Variants in OSBPL10 observed in about 807,000 individuals in gnomAD.
OSBPL10 encodes the protein oxysterol-binding protein-related protein 10.
OSBPL10 carries 49 observed loss-of-function variants against 81.7 expected under a neutral mutation model. The observed-to-expected ratio is 0.60, with a 90% CI of 0.48 to 0.76. The LOEUF (loss-of-function observed/expected upper bound fraction) is 0.76. Ranked by LOEUF, OSBPL10 falls within the 30% of genes least tolerant of loss-of-function variation. The pLI is 0.00. For synonymous variants in OSBPL10, 419 were observed against 383.6 expected, an observed-to-expected ratio of 1.09 and a Z score of -1.08; for missense variants, 923 against 987.8, an observed-to-expected ratio of 0.93 and a Z score of 0.88.
At chr3:31,905,466 C>T (rs1312413362) in intron 1 of OSBPL10, among the ~76,000 whole-genome samples, 1 of 151,146 alleles carries the variant, frequency 6.6e-6, no homozygotes, top group Non-Finnish European at 1.5e-5. Context: ...TCGTATGCCT[C>T]AGCCTCCTGA....
At chr3:31,837,330 T>C (rs1700380280) in intron 3 of OSBPL10, among the ~76,000 whole-genome samples, 1 of 8,596 alleles carries the variant, frequency 1.2e-4, no homozygotes, top group African/African-American at 6.1e-4. Context: ...ATTATATATA[T>C]ATATATATAT....
At chr3:31,707,510 G>A (rs187670562) in intron 6 of OSBPL10, 20 of 152,272 alleles carry the variant, frequency 1.3e-4, no homozygotes, top group Admixed American at 9.8e-4. Flanking sequence ...ACTTGGCAAG[G>A]AGGCACTGGG....
rs570063246 is a variant in OSBPL10, at chr3:32,059,784, T to A, written n.186-13181A>T. 3.1e-3 allele frequency among the ~76,000 whole-genome samples: 462 copies of A among 150,596 alleles called. 1 individual carries two copies. The highest frequency in any genetic ancestry group is 0.011 in the African/African-American group (439 of 40,938). ...AAAATTAGCCAGGCATGGTGGCACA[T>A]GCCTGTAGTCCCAGCTACTTGGGAG... On this transcript the variant is annotated intron_variant and non_coding_transcript_variant, in intron 1 of 3. Coordinates refer to the OSBPL10 transcript ENST00000479173.
At chr3:31,921,969 A>G (rs1042764755) in intron 1 of OSBPL10, among the ~76,000 whole-genome samples, 1 of 152,232 alleles carries the variant, frequency 6.6e-6, no homozygotes, top group Non-Finnish European at 1.5e-5. Flanking sequence ...AGAGAAAAAC[A>G]TCAGACAAAT....
At chr3:32,002,292 C>A (rs1699156842) in intron 2 of OSBPL10, among the ~76,000 whole-genome samples, 1 of 152,102 alleles carries the variant, frequency 6.6e-6, no homozygotes, top group South Asian at 2.1e-4. Flanking sequence ...AAAAAGCCTA[C>A]AAAGTTGTGT....
rs772535278 is a variant in OSBPL10, at chr3:31,830,052, G to A, written c.717C>T (p.His239=). ...RAKSQYSGQL[H]EVREMMNQVE... is the part of the protein sequence containing the mutation. Reference sequence around the variant, plus strand: ...GAGCAAAGCCTACCTCTCTGACTTCGTGAAGCTGGCCGGAATACTGACTCT... The same window carrying A: ...GAGCAAAGCCTACCTCTCTGACTTCATGAAGCTGGCCGGAATACTGACTCT... Residue 239 remains histidine (H), a synonymous_variant, in exon 4 of 12, where the codon CAC becomes CAT. Transcript: ENST00000396556. 5.0e-6 allele frequency: 8 copies of A among 1,613,016 alleles called. No individual in the cohort carries two copies. Among genetic ancestry groups the A allele is most frequent in the Non-Finnish European group, 5.1e-6 (6 of 1,179,794 alleles).
At chr3:31,895,638 T>C (rs187788470) in intron 1 of OSBPL10, among the ~76,000 whole-genome samples, 1 of 152,268 alleles carries the variant, frequency 6.6e-6, no homozygotes, top group African/African-American at 2.4e-5. Context: ...TAACTGATAA[T>C]CCAAGCTGTT....
chr3:31,913,499 C>T (rs1396317568), intron 1 of OSBPL10, among the ~76,000 whole-genome samples: 10 of 152,210 alleles, frequency 6.6e-5, no homozygotes, highest in African/African-American at 2.2e-4. Flanking sequence ...CCACCTGCCT[C>T]AGCCTCCCAA....
At chr3:32,048,496 G>A (rs112594552) in intron 1 of OSBPL10, among the ~76,000 whole-genome samples, 2,372 of 151,954 alleles carry the variant, frequency 0.016, 60 homozygotes, top group African/African-American at 0.054. Flanking sequence ...CAGTAGAGGC[G>A]GGGTTTCACC....
intron 4 of OSBPL10, chr3:31,794,963 T>TCCTGTGTAAAA (rs1699148555): frequency 3.1e-6 from 1 of 325,102 alleles, no homozygotes; most frequent in Non-Finnish European, 6.3e-6. Context: ...AAAGTCCATG[T>TCCTGTGTAAAA]GTCACAGGAG....
intron 8 of OSBPL10, among the ~76,000 whole-genome samples, chr3:31,673,061 G>A (rs1261071544): frequency 6.6e-6 from 1 of 152,070 alleles, no homozygotes; most frequent in East Asian, 1.9e-4. Flanking sequence ...AACTCATCTT[G>A]CCAAAAGTAA....
intron 4 of OSBPL10, among the ~76,000 whole-genome samples, chr3:31,817,699 A>G (rs1699876553): frequency 6.6e-6 from 1 of 152,174 alleles, no homozygotes; most frequent in Admixed American, 6.5e-5. Context: ...ATAGAGCAGG[A>G]GGCCTGGGTC....
intron 1 of OSBPL10, among the ~76,000 whole-genome samples, chr3:31,968,773 TAACTAAAC>T (rs1559536637): frequency 6.6e-6 from 1 of 152,130 alleles, no homozygotes; most frequent in Non-Finnish European, 1.5e-5. Context: ...AATTCCAAAT[TAACTAAAC>T]AACTATAATA....
intron 3 of OSBPL10, among the ~76,000 whole-genome samples, chr3:31,843,131 C>T (rs1234384894): frequency 6.6e-6 from 1 of 152,204 alleles, no homozygotes; most frequent in African/African-American, 2.4e-5. Flanking sequence ...TTACCTCCTA[C>T]CTTCTGACCT....
chr3:31,761,829 A>AAAAAAAAAAAAAAAAAAAAAAAAAAAAC (rs1458696645), intron 4 of OSBPL10, among the ~76,000 whole-genome samples: 1 of 146,738 alleles, frequency 6.8e-6, no homozygotes, highest in Non-Finnish European at 1.5e-5. Flanking sequence ...AAAAAAAAAA[A>AAAAAAAAAAAAAAAAAAAAAAAAAAAAC]AACCCTAAAG....
intron 2 of OSBPL10, among the ~76,000 whole-genome samples, chr3:32,026,057 T>TAGATAGATAGATGATAGATAGATA (rs58717718): frequency 8.1e-5 from 9 of 111,232 alleles, no homozygotes; most frequent in African/African-American, 2.1e-4. Context: ...GATAGATAGA[T>TAGATAGATAGATGATAGATAGATA]GATAGATAGA....
intron 4 of OSBPL10, among the ~76,000 whole-genome samples, chr3:31,759,200 C>T (rs1323388745): frequency 6.6e-6 from 1 of 152,158 alleles, no homozygotes; most frequent in African/African-American, 2.4e-5. Context: ...CACTGTCCAA[C>T]AGAAGGATTC....
chr3:32,003,247 C>T (rs1408155853), intron 2 of OSBPL10, among the ~76,000 whole-genome samples: 2 of 152,220 alleles, frequency 1.3e-5, no homozygotes, highest in Non-Finnish European at 2.9e-5. Context: ...TTAGAAAGCA[C>T]AGGTCACTGG....
chr3:31,951,069 C>T (rs144823267), intron 1 of OSBPL10, among the ~76,000 whole-genome samples: 31 of 152,288 alleles, frequency 2.0e-4, no homozygotes, highest in African/African-American at 7.0e-4. Context: ...GAAATTCTTG[C>T]GTGTGTGTAC....
Sources: gnomAD v4.1 joint callset for allele counts (sites outside exome capture counted in the v4.1 genomes callset) on GRCh38, gnomAD v4.1.1 for gene constraint, MANE v1.5 for transcripts, NCBI Gene and HGNC (gene_info 2026-07-23, HGNC 2026-07-21) for gene names.